RASAL2: variants seen among roughly 807,000 people sequenced by gnomAD.
RASAL2 encodes ras GTPase-activating protein nGAP.
A neutral mutation model predicts 128.9 loss-of-function variants in RASAL2; 58 were observed. The observed-to-expected ratio is 0.45, with a 90% confidence interval of 0.36 to 0.56. RASAL2 has a LOEUF of 0.56. RASAL2 is among the 20% of genes least tolerant of loss of function. RASAL2 has a pLI of 0.00. For synonymous variants in RASAL2, 561 were observed against 580.8 expected (o/e 0.97, Z 0.49); for missense variants, 1,360 against 1,601.6 (o/e 0.85, Z 2.57).
At chr1:178,379,990 C>T (rs73035286) in intron 3 of RASAL2, among the ~76,000 whole-genome samples, 3,151 of 152,298 alleles carry the variant, frequency 0.021, 91 homozygotes, top group African/African-American at 0.069. Context: ...CTCCCAGCCT[C>T]AGCGCCCCCT....
At chr1:178,366,030 A>T (rs541663154) in intron 3 of RASAL2, among the ~76,000 whole-genome samples, 1 of 152,304 alleles carries the variant, frequency 6.6e-6, no homozygotes, top group African/African-American at 2.4e-5. Context: ...TTCATGGAGT[A>T]GCATGCCTAA....
chr1:178,229,460 A>G (rs1036816746), intron 1 of RASAL2, among the ~76,000 whole-genome samples: 3 of 151,594 alleles, frequency 2.0e-5, no homozygotes, highest in Non-Finnish European at 1.5e-5. Flanking sequence ...AGCAAGGAGG[A>G]TGGTTATTTT....
rs1295913893 is a variant in RASAL2 at position 178,310,877 on chromosome 1, A to G, written c.457+10759A>G. On this transcript the variant is annotated intron_variant, in intron 3 of 17. Transcript: ENST00000367649. The stretch of plus-strand genomic sequence containing the variant: ...AAAGGACTCCCTTTCTAATTTGTGG[A>G]AGTCATTTGTATAGGCTATTGTCAT... Among the ~76,000 whole-genome samples the G allele has an allele frequency of 3.9e-5, 6 of 152,170 alleles. No homozygotes were observed. The East Asian group carries it at 1.2e-3, about 29-fold the overall frequency.
rs201179503 is a variant in RASAL2, at chr1:178,431,862, ATAAAT to A, written c.675-7557_675-7553del. On this transcript the variant is annotated intron_variant, in intron 5 of 17. Transcript: ENST00000367649. The stretch of plus-strand genomic sequence containing the variant: ...TATAGACATATATGTTTGTATTTAA[ATAAAT>A]TATGTATATTATGTTAAATACATGC... Among the ~76,000 whole-genome samples, 813 of 149,182 alleles carry A rather than the reference ATAAAT, an allele frequency of 5.4e-3. 8 individuals are homozygous for A. Among genetic ancestry groups the A allele is most frequent in the African/African-American group, 0.019 (782 of 40,952 alleles).
intron 1 of RASAL2, among the ~76,000 whole-genome samples, chr1:178,116,804 G>T (rs1283276732): frequency 6.6e-6 from 1 of 151,994 alleles, no homozygotes; most frequent in Non-Finnish European, 1.5e-5. Context: ...TTGAGACGGG[G>T]TTTCACCGTG....
At chr1:178,256,524 CA>C (rs1366015564) in intron 1 of RASAL2, among the ~76,000 whole-genome samples, 1 of 152,250 alleles carries the variant, frequency 6.6e-6, no homozygotes, top group East Asian at 1.9e-4. Flanking sequence ...AAATAAAAAG[CA>C]ACCAGATTGT....
intron 1 of RASAL2, among the ~76,000 whole-genome samples, chr1:178,248,998 A>G (rs1471252152): frequency 6.6e-6 from 1 of 152,050 alleles, no homozygotes; most frequent in Non-Finnish European, 1.5e-5. Flanking sequence ...AACTTTGGAG[A>G]ATCTGATGAT....
chr1:178,402,922 A>ATAAC (rs998866174), intron 4 of RASAL2, among the ~76,000 whole-genome samples: 3 of 152,048 alleles, frequency 2.0e-5, no homozygotes, highest in African/African-American at 7.2e-5. Flanking sequence ...GCCTTCCATG[A>ATAAC]TAACCTCTGA....
intron 4 of RASAL2, among the ~76,000 whole-genome samples, chr1:178,405,951 T>A (rs938980231): frequency 6.6e-6 from 1 of 152,192 alleles, no homozygotes; most frequent in Non-Finnish European, 1.5e-5. Context: ...TTTTTCCAAA[T>A]TTTTTGTACA....
At chr1:178,134,787 T>C (rs1002615722) in intron 1 of RASAL2, among the ~76,000 whole-genome samples, 5 of 152,224 alleles carry the variant, frequency 3.3e-5, no homozygotes, top group Non-Finnish European at 5.9e-5. Context: ...GTTTTACCAG[T>C]ACATCCTGAA....
At chr1:178,181,650 C>A (rs1662113298) in intron 1 of RASAL2, among the ~76,000 whole-genome samples, 2 of 152,224 alleles carry the variant, frequency 1.3e-5, no homozygotes, top group South Asian at 4.2e-4. Context: ...GTCATATCTT[C>A]TGAGATCCGA....
At position 178,147,072 on chromosome 1, in the gene RASAL2, T is replaced by C. The variant is rs746156144; in HGVS notation, c.202+52378T>C. Among the ~76,000 whole-genome samples, 65 of 152,352 alleles carry C rather than the reference T, an allele frequency of 4.3e-4. 1 individual carries two copies. The highest frequency in any genetic ancestry group is 8.5e-4 in the Admixed American group (13 of 15,302). The stretch of plus-strand genomic sequence containing the variant: ...CAGATTTTAACTGTAATTAAGTCTT[T>C]CTTAAAATTGGTTTTGTCAGTGTAG... On this transcript the variant is annotated intron_variant, in intron 1 of 17. Coordinates refer to ENST00000367649, the MANE Select transcript of RASAL2 (RefSeq NM_170692.4).
intron 3 of RASAL2, among the ~76,000 whole-genome samples, chr1:178,385,362 C>T (rs1194465762): frequency 6.6e-6 from 1 of 151,860 alleles, no homozygotes; most frequent in Non-Finnish European, 1.5e-5. Flanking sequence ...ACTTGAACCC[C>T]GGAGGTGGAG....
At chr1:178,353,465 C>T (rs1670630386) in intron 3 of RASAL2, among the ~76,000 whole-genome samples, 1 of 152,192 alleles carries the variant, frequency 6.6e-6, no homozygotes, top group Admixed American at 6.5e-5. Flanking sequence ...CCATCTGAGA[C>T]CTCTTCAGCC....
At chr1:178,386,726 G>A (rs574763908) in intron 3 of RASAL2, among the ~76,000 whole-genome samples, 69 of 152,110 alleles carry the variant, frequency 4.5e-4, no homozygotes, top group Admixed American at 2.6e-3. Context: ...CAGAGAATGA[G>A]CATATTTTAA....
intron 5 of RASAL2, among the ~76,000 whole-genome samples, chr1:178,423,705 A>C (rs1675310154): frequency 6.6e-6 from 1 of 152,122 alleles, no homozygotes; most frequent in Non-Finnish European, 1.5e-5. Flanking sequence ...GCCTCTCTAA[A>C]AGATGGGATG....
intron 3 of RASAL2, among the ~76,000 whole-genome samples, chr1:178,373,538 C>G (rs576684306): frequency 2.5e-4 from 38 of 151,950 alleles, no homozygotes; most frequent in Non-Finnish European, 4.3e-4. Flanking sequence ...ATACAGATAT[C>G]CCTAAGTAAA....
At chr1:178,252,201 T>C in intron 1 of RASAL2, among the ~76,000 whole-genome samples, 1 of 152,322 alleles carries the variant, frequency 6.6e-6, no homozygotes, top group East Asian at 1.9e-4. Flanking sequence ...TTTAATTCAA[T>C]ATTTTAAAAT....
At chr1:178,319,825 T>A (rs1251718977) in intron 3 of RASAL2, among the ~76,000 whole-genome samples, 3 of 152,238 alleles carry the variant, frequency 2.0e-5, no homozygotes, top group Non-Finnish European at 4.4e-5. Flanking sequence ...AGCTTTGTTC[T>A]GTTGCTGATG....
Sources: gnomAD v4.1 joint callset for allele counts (sites outside exome capture counted in the v4.1 genomes callset) on GRCh38, gnomAD v4.1.1 for gene constraint, MANE v1.5 for transcripts, NCBI Gene and HGNC (gene_info 2026-07-23, HGNC 2026-07-21) for gene names.